Variants in ZMAT4 observed in about 807,000 individuals in gnomAD.
ZMAT4 encodes the protein zinc finger matrin-type protein 4.
In ZMAT4, 17 loss-of-function variants were observed where a neutral mutation model predicts 28.7. The ratio of observed to expected loss-of-function variants is 0.59; its 90% CI spans 0.41 to 0.89. ZMAT4 has a LOEUF of 0.89. Among genes scored for constraint, ZMAT4 ranks in the 40% least tolerant of loss-of-function variants. ZMAT4 has a pLI of 0.00. For synonymous variants in ZMAT4, 117 were observed against 109.2 expected (o/e 1.07, Z -0.44); for missense variants, 240 against 283.8 (o/e 0.85, Z 1.11).
At chr8:40,880,094 A>G (rs1235326337) in intron 1 of ZMAT4, among the ~76,000 whole-genome samples, 1 of 152,226 alleles carries the variant, frequency 6.6e-6, no homozygotes, top group African/African-American at 2.4e-5. Flanking sequence ...CCGGCCAGGC[A>G]TGGTGGCCCA....
intron 4 of ZMAT4, among the ~76,000 whole-genome samples, chr8:40,683,452 C>T (rs1479865665): frequency 1.3e-5 from 2 of 152,186 alleles, no homozygotes; most frequent in Non-Finnish European, 2.9e-5. Flanking sequence ...CATAGGAAAT[C>T]TGTAAGGTAT....
At chr8:40,816,756 C>T (rs1048990259) in intron 2 of ZMAT4, among the ~76,000 whole-genome samples, 4 of 152,172 alleles carry the variant, frequency 2.6e-5, no homozygotes. Flanking sequence ...TTACTATATT[C>T]ATTACTAATT....
chr8:40,872,858 A>G (rs1817911348), intron 1 of ZMAT4, among the ~76,000 whole-genome samples: 1 of 152,108 alleles, frequency 6.6e-6, no homozygotes, highest in Non-Finnish European at 1.5e-5. Flanking sequence ...CTGTTTTGGA[A>G]TTTAAAGGGA....
chr8:40,762,908 G>A (rs1402842391), intron 3 of ZMAT4, among the ~76,000 whole-genome samples: 1 of 152,160 alleles, frequency 6.6e-6, no homozygotes, highest in Non-Finnish European at 1.5e-5. Context: ...AGTCAACAGT[G>A]CTAGAACTTC....
At chr8:40,863,997 C>T (rs1817591390) in intron 1 of ZMAT4, among the ~76,000 whole-genome samples, 1 of 152,218 alleles carries the variant, frequency 6.6e-6, no homozygotes, top group Non-Finnish European at 1.5e-5. Flanking sequence ...TCTCCTGTGC[C>T]TCACATGGTG....
chr8:40,801,578 G>A (rs1259337117), intron 2 of ZMAT4, among the ~76,000 whole-genome samples: 1 of 151,824 alleles, frequency 6.6e-6, no homozygotes, highest in Admixed American at 6.6e-5. Flanking sequence ...GCTGAGGAAG[G>A]AGAATCACTT....
At position 40,835,321 on chromosome 8, in the gene ZMAT4, C is replaced by T. The variant is rs182609211; in HGVS notation, c.-4-9641G>A. 9.3e-4 allele frequency among the ~76,000 whole-genome samples: 141 copies of T among 152,254 alleles called. 1 individual carries two copies. The South Asian group carries it at 0.015, about 16-fold the overall frequency. ...AAAACATGCTCCTTATGTTTCCTGT[C>T]GCTCATTCCATCACACCAAAGGGCT... is the stretch of plus-strand genomic sequence containing the variant. On this transcript the variant is annotated intron_variant, in intron 1 of 6. Coordinates refer to ENST00000297737, the MANE Select transcript of ZMAT4 (RefSeq NM_024645.3).
chr8:40,762,223 C>A (rs1812972461), intron 3 of ZMAT4, among the ~76,000 whole-genome samples: 1 of 152,198 alleles, frequency 6.6e-6, no homozygotes, highest in Non-Finnish European at 1.5e-5. Context: ...TTCATATCAA[C>A]CTAGGACATG....
intron 3 of ZMAT4, among the ~76,000 whole-genome samples, chr8:40,703,905 A>T (rs1810247921): frequency 6.6e-6 from 1 of 152,214 alleles, no homozygotes; most frequent in African/African-American, 2.4e-5. Flanking sequence ...GAAGCGAATC[A>T]TAATGAGGAG....
intron 5 of ZMAT4, among the ~76,000 whole-genome samples, chr8:40,638,881 T>G (rs1806895524): frequency 6.6e-6 from 1 of 152,242 alleles, no homozygotes; most frequent in Non-Finnish European, 1.5e-5. Context: ...ATTATAAATA[T>G]TAAGTCAACA....
At chr8:40,534,499 G>A (rs1420168282) in intron 6 of ZMAT4, among the ~76,000 whole-genome samples, 4 of 152,084 alleles carry the variant, frequency 2.6e-5, no homozygotes, top group African/African-American at 9.7e-5. Context: ...TTCCATTTGT[G>A]GCGAAGGGCA....
chr8:40,850,269 C>A lies in ZMAT4; in HGVS notation c.-4-24589G>T, dbSNP rs536988062. Among the ~76,000 whole-genome samples the A allele has an allele frequency of 3.9e-5, 6 of 152,230 alleles. No homozygotes were observed. The South Asian group carries it at 1.2e-3, about 32-fold the overall frequency. ...CCAAGGCCCTCCGCTGGCCTGTGAGCCCCACCCAATCTGCACCCTGCTAGC... is the reference window on the plus strand; with the variant it reads ...CCAAGGCCCTCCGCTGGCCTGTGAGACCCACCCAATCTGCACCCTGCTAGC... On this transcript the variant is annotated intron_variant, in intron 1 of 6. Coordinates refer to ENST00000297737, the MANE Select transcript of ZMAT4 (RefSeq NM_024645.3).
At chr8:40,641,656 GT>G (rs1807031918) in intron 5 of ZMAT4, among the ~76,000 whole-genome samples, 1 of 152,098 alleles carries the variant, frequency 6.6e-6, no homozygotes, top group Non-Finnish European at 1.5e-5. Context: ...TCACCTCTGT[GT>G]TTCCTCTGCC....
intron 4 of ZMAT4, among the ~76,000 whole-genome samples, chr8:40,679,910 T>G (rs1470587474): frequency 6.6e-6 from 1 of 152,198 alleles, no homozygotes; most frequent in Non-Finnish European, 1.5e-5. Flanking sequence ...CTTTACACTA[T>G]GAGAGACTAA....
chr8:40,825,899 A>C (rs1816020842), intron 1 of ZMAT4, among the ~76,000 whole-genome samples: 1 of 152,210 alleles, frequency 6.6e-6, no homozygotes, highest in Admixed American at 6.5e-5. Flanking sequence ...TTTACCCTAA[A>C]AAATAGAAAT....
chr8:40,607,838 G>C (rs1036179131), intron 5 of ZMAT4, among the ~76,000 whole-genome samples: 2 of 152,048 alleles, frequency 1.3e-5, no homozygotes, highest in Non-Finnish European at 2.9e-5. Flanking sequence ...CTGGGCTCTG[G>C]GCTAGTACTG....
intron 2 of ZMAT4, among the ~76,000 whole-genome samples, chr8:40,781,893 C>CA (rs1813851866): frequency 6.6e-6 from 1 of 150,454 alleles, no homozygotes; most frequent in South Asian, 2.1e-4. Flanking sequence ...TAAATATATG[C>CA]AAAACAGTGG....
chr8:40,634,041 A>C (rs1171394418), intron 5 of ZMAT4, among the ~76,000 whole-genome samples: 3 of 152,208 alleles, frequency 2.0e-5, no homozygotes, highest in African/African-American at 7.2e-5. Flanking sequence ...AGGTCACATG[A>C]ACCACTGCTG....
intron 3 of ZMAT4, among the ~76,000 whole-genome samples, chr8:40,759,860 G>A (rs1812854334): frequency 6.6e-6 from 1 of 152,146 alleles, no homozygotes; most frequent in African/African-American, 2.4e-5. Flanking sequence ...ACATAGATAA[G>A]ATGTGTGGAT....
Sources: gnomAD v4.1 joint callset for allele counts (sites outside exome capture counted in the v4.1 genomes callset) on GRCh38, gnomAD v4.1.1 for gene constraint, MANE v1.5 for transcripts, NCBI Gene and HGNC (gene_info 2026-07-23, HGNC 2026-07-21) for gene names.